The following TIMM17A variants were observed in gnomAD, a reference collection of about 807,000 sequenced individuals.
TIMM17A encodes the protein mitochondrial import inner membrane translocase subunit Tim17-A.
TIMM17A carries 15 observed loss-of-function variants against 26.5 expected under a neutral mutation model. The observed-to-expected ratio is 0.57, with a 90% CI of 0.38 to 0.87. The LOEUF (loss-of-function observed/expected upper bound fraction) is 0.87. Among genes scored for constraint, TIMM17A ranks in the 40% least tolerant of loss-of-function variants. The probability of loss-of-function intolerance (pLI) is 0.00; values close to 1 mark genes in which losing one functional copy is unlikely to be tolerated. For missense variants in TIMM17A, 201 were observed against 210.0 expected (o/e 0.96, Z 0.27); for synonymous variants, 80 against 70.8 (o/e 1.13, Z -0.66).
chr1:201,968,653 C>T (rs1246012828), intron 5 of TIMM17A, among the ~76,000 whole-genome samples: 2 of 151,992 alleles, frequency 1.3e-5, no homozygotes, highest in Non-Finnish European at 2.9e-5. Context: ...AGATTACAGG[C>T]GAGAGCCACC....
intron 3 of TIMM17A, among the ~76,000 whole-genome samples, chr1:201,961,709 T>C (rs970148094): frequency 3.3e-5 from 5 of 151,956 alleles, no homozygotes; most frequent in Non-Finnish European, 7.4e-5. Flanking sequence ...AAAAGAAAAA[T>C]CAAGAATGGT....
At chr1:201,956,749 A>G (rs758224668) in intron 1 of TIMM17A, among the ~76,000 whole-genome samples, 1 of 152,066 alleles carries the variant, frequency 6.6e-6, no homozygotes, top group Non-Finnish European at 1.5e-5. Context: ...CGAGGTCAGG[A>G]GTTCAAGACC....
intron 5 of TIMM17A, among the ~76,000 whole-genome samples, chr1:201,969,004 C>T (rs1682686454): frequency 2.0e-5 from 3 of 151,986 alleles, no homozygotes; most frequent in Admixed American, 2.0e-4. Context: ...TTTCAGAGCT[C>T]ATTCCCTACT....
At chr1:201,957,632 C>T in intron 3 of TIMM17A, 58 bp downstream of exon 3, 1 of 1,420,662 alleles carries the variant, frequency 7.0e-7, no homozygotes, top group Non-Finnish European at 9.8e-7. Context: ...GAAGATGGAG[C>T]TATTTTTATT....
At chr1:201,966,725 G>C (rs4950801) in intron 5 of TIMM17A, among the ~76,000 whole-genome samples, 117,422 of 151,030 alleles carry the variant, frequency 0.78, 46,024 homozygotes, top group Non-Finnish European at 0.83. Flanking sequence ...GCCTGTAATC[G>C]CAGCTCCTTG....
intron 5 of TIMM17A, among the ~76,000 whole-genome samples, chr1:201,967,025 A>G (rs1440555969): frequency 2.2e-5 from 1 of 44,714 alleles, no homozygotes; most frequent in Non-Finnish European, 5.2e-5. Context: ...GTATATATAT[A>G]TAGTGAGGAT....
chr1:201,960,157 C>A (rs555492132), intron 3 of TIMM17A, among the ~76,000 whole-genome samples: 19 of 151,912 alleles, frequency 1.3e-4, no homozygotes, highest in South Asian at 1.0e-3. Flanking sequence ...CCCAGCACTT[C>A]GGGAGGCTGA....
intron 3 of TIMM17A, chr1:201,962,663 G>A (rs1234516356): frequency 2.0e-5 from 3 of 152,138 alleles, no homozygotes; most frequent in Admixed American, 2.0e-4. Context: ...TTTGTATTTA[G>A]ATAGAGTTTA....
At chr1:201,957,617 C>G in intron 3 of TIMM17A, 43 bp downstream of exon 3, 1 of 1,494,672 alleles carries the variant, frequency 6.7e-7, no homozygotes, top group Non-Finnish European at 9.2e-7. Flanking sequence ...TTTTTCTGTT[C>G]CTTTGAAGAT....
chr1:201,964,948 C>CTATT (rs1198706900), intron 4 of TIMM17A, among the ~76,000 whole-genome samples: 3 of 148,148 alleles, frequency 2.0e-5, no homozygotes, highest in East Asian at 4.1e-4. Context: ...GCGCCCGGCC[C>CTATT]TATTTATTTA....
intron 1 of TIMM17A, among the ~76,000 whole-genome samples, chr1:201,956,307 G>C (rs1682407873): frequency 6.6e-6 from 1 of 152,190 alleles, no homozygotes; most frequent in Non-Finnish European, 1.5e-5. Flanking sequence ...AGAGTTTAAA[G>C]TTTCTAGGGT....
chr1:201,970,176 C>G lies in TIMM17A; in HGVS notation c.*622C>G, dbSNP rs555619143. 3.9e-5 allele frequency: 6 copies of G among 152,310 alleles called. No homozygotes were observed. The East Asian group carries it at 1.2e-3, about 29-fold the overall frequency. The allele number at this position is 152,310 out of a possible 1,614,324, so 9.4% of individuals were successfully genotyped here. Reference sequence around the variant, plus strand: ...TTTTGAGGATATTGGATACAAAACTCTCTTCCTTTAGGGCTACTGAGTCTT... The same window carrying G: ...TTTTGAGGATATTGGATACAAAACTGTCTTCCTTTAGGGCTACTGAGTCTT... On this transcript the variant is annotated 3_prime_UTR_variant, in exon 6 of 6. Coordinates refer to ENST00000367287, the MANE Select transcript of TIMM17A (RefSeq NM_006335.3).
Position 201,963,615 on chromosome 1 carries a change from G to T in TIMM17A, c.191-1G>T. On this transcript the variant is annotated splice_acceptor_variant, in intron 3 of 5. Transcript: ENST00000367287. LOFTEE classifies it high-confidence loss of function. ...GCTTGTTTCTTTTTACAATAAAATA[G>T]GTAGCTTTGCAGTTTGGGGAGGGCT... 2.5e-6 allele frequency: 4 copies of T among 1,596,188 alleles called. No homozygotes were observed. Among genetic ancestry groups the T allele is most frequent in the Admixed American group, 1.9e-5 (1 of 53,908 alleles).
At position 201,958,098 on chromosome 1, in the gene TIMM17A, T is replaced by C. The variant is rs145812223; in HGVS notation, c.190+524T>C. On this transcript the variant is annotated intron_variant, in intron 3 of 5. Transcript: ENST00000367287. ...GTTGCAGTGAGCCAAGATCATGCCA[T>C]TGCACTCCATCCTGGGCAACAAGAG... is the stretch of plus-strand genomic sequence containing the variant. The C allele has an allele frequency of 5.7e-3, 876 of 153,784 alleles. 4 individuals are homozygous for C. The highest frequency in any genetic ancestry group is 0.02 in the African/African-American group (826 of 41,468). 9.5% of individuals were successfully genotyped at this position (153,784 alleles called of 1,614,324 possible). A position where few individuals can be genotyped will look rare whatever the true frequency, so the allele number is the denominator to read the frequency against.
At chr1:201,964,805 C>T (rs1186590606) in intron 4 of TIMM17A, among the ~76,000 whole-genome samples, 18 of 150,122 alleles carry the variant, frequency 1.2e-4, no homozygotes, top group African/African-American at 3.4e-4. Context: ...TGTGCCACCA[C>T]GCCTGGCTAA....
intron 3 of TIMM17A, among the ~76,000 whole-genome samples, chr1:201,958,206 T>C (rs752514225): frequency 6.6e-6 from 1 of 151,852 alleles, no homozygotes; most frequent in African/African-American, 2.4e-5. Context: ...CTGAAGAGAA[T>C]GTGATCTGAA....
intron 4 of TIMM17A, among the ~76,000 whole-genome samples, chr1:201,964,613 A>C (rs1304141090): frequency 9.9e-6 from 1 of 101,438 alleles, no homozygotes. Context: ...AACTTTATTT[A>C]TTTATTTATT....
intron 3 of TIMM17A, among the ~76,000 whole-genome samples, chr1:201,959,765 G>A (rs1682489449): frequency 6.6e-6 from 1 of 151,376 alleles, no homozygotes; most frequent in South Asian, 2.1e-4. Flanking sequence ...ACAAGGTGAG[G>A]AGAGCGAGAC....
chr1:201,958,832 C>T (rs1682473883), intron 3 of TIMM17A, among the ~76,000 whole-genome samples: 1 of 152,198 alleles, frequency 6.6e-6, no homozygotes, highest in Non-Finnish European at 1.5e-5. Flanking sequence ...TTTCTTAACT[C>T]TCACAGTAAT....
Sources: allele counts gnomAD v4.1 joint callset (sites outside exome capture counted in the v4.1 genomes callset), GRCh38; gene constraint gnomAD v4.1.1; transcripts MANE v1.5; gene names NCBI Gene and HGNC (gene_info 2026-07-23, HGNC 2026-07-21).